USP34: variants seen among roughly 807,000 people sequenced by gnomAD.
USP34 encodes ubiquitin specific peptidase 34.
USP34 carries 70 observed loss-of-function variants against 460.3 expected under a neutral mutation model. The ratio of observed to expected loss-of-function variants is 0.15; its 90% CI spans 0.13 to 0.19. The LOEUF is 0.19. Among genes scored for constraint, USP34 ranks in the 10% least tolerant of loss-of-function variants. The pLI is 1.00. For synonymous variants in USP34, 1,647 were observed against 1,405.3 expected (o/e 1.17, Z -3.85); for missense variants, 3,985 against 4,236.2 (o/e 0.94, Z 1.65).
At chr2:61,284,777 A>T (rs985035336) in intron 35 of USP34, 98 bp downstream of exon 35, 1 of 965,654 alleles carries the variant, frequency 1.0e-6, no homozygotes, top group Non-Finnish European at 1.5e-6. Flanking sequence ...AATATCCCCC[A>T]AATTTTTCTA....
chr2:61,220,058 A>G (rs961643359), intron 67 of USP34: 2 of 328,300 alleles, frequency 6.1e-6, no homozygotes, highest in African/African-American at 4.3e-5. Context: ...TCCCTTCATT[A>G]CTGCTGATCA....
chr2:61,383,277 A>G lies in USP34; in HGVS notation c.813T>C (p.Tyr271=). The G allele has an allele frequency of 1.3e-6, 2 of 1,597,148 alleles. No homozygotes were observed. Among genetic ancestry groups the G allele is most frequent in the East Asian group, 2.2e-5 (1 of 44,654 alleles). ...VMQHIIPFRT[Y]VIRYLCKLSD... ...AAATTTTATAAACTTACCTAATAACATAGGTCCTAAAAGGTATAATGTGCT... is the reference window on the plus strand; with the variant it reads ...AAATTTTATAAACTTACCTAATAACGTAGGTCCTAAAAGGTATAATGTGCT... The change falls in exon 6 of 80, where the codon TAT becomes TAC. Residue 271 remains tyrosine, a synonymous_variant. Coordinates refer to ENST00000398571, the MANE Select transcript of USP34 (RefSeq NM_014709.4).
At chr2:61,464,466 C>T (rs2104111814) in intron 1 of USP34, among the ~76,000 whole-genome samples, 1 of 152,342 alleles carries the variant, frequency 6.6e-6, no homozygotes, top group Admixed American at 6.5e-5. Flanking sequence ...TCAACTTTTT[C>T]ACCAAATGGT....
At chr2:61,336,383 C>G (rs1572945343) in intron 18 of USP34, among the ~76,000 whole-genome samples, 1 of 151,918 alleles carries the variant, frequency 6.6e-6, no homozygotes, top group South Asian at 2.1e-4. Context: ...ATCTCACCCT[C>G]TCAAAGTGTT....
chr2:61,419,705 T>C (rs983881591), intron 2 of USP34, among the ~76,000 whole-genome samples: 2 of 152,180 alleles, frequency 1.3e-5, no homozygotes, highest in Admixed American at 6.5e-5. Context: ...CACCTAGCTG[T>C]AGTTACAATA....
In USP34 at chr2:61,420,124, C is replaced by T. The variant is rs1019324958; in HGVS notation, c.131+622G>A. Among the ~76,000 whole-genome samples, 4 of 152,168 alleles carry T rather than the reference C, an allele frequency of 2.6e-5. No homozygotes were observed. In the South Asian group the frequency reaches 8.3e-4, roughly 32 times the overall value. ...TGTTCATTGGCTACTGCACACAATG[C>T]TTCAAACATTCTTACCCATAAAATT... On this transcript the variant is annotated intron_variant, in intron 2 of 79. Coordinates refer to ENST00000398571, the MANE Select transcript of USP34 (RefSeq NM_014709.4).
intron 65 of USP34, 190 bp from the exon 66 acceptor site, chr2:61,221,796 C>A: frequency 2.3e-6 from 1 of 436,814 alleles, no homozygotes; most frequent in Non-Finnish European, 4.0e-6. Flanking sequence ...CAAAGTCAAC[C>A]GGGAACCACG....
At chr2:61,373,064 C>G (rs1692679550) in intron 8 of USP34, among the ~76,000 whole-genome samples, 1 of 152,030 alleles carries the variant, frequency 6.6e-6, no homozygotes, top group African/African-American at 2.4e-5. Context: ...AGTAATGGAG[C>G]TACGTAGGAG....
rs1691849006 is a variant in USP34 at position 61,348,746 on chromosome 2, A to AT, written c.1674+9dup. ...AATGCCTATAAAAGAAGAAAAACCT[A>AT]TTTTCATACCTCTGTGTCTGAAAGT... On this transcript the variant is annotated intron_variant, in intron 14 of 79. Transcript: ENST00000398571. 1.2e-6 allele frequency: 2 copies of AT among 1,603,684 alleles called. No individual in the cohort carries two copies. Among genetic ancestry groups the AT allele is most frequent in the South Asian group, 2.2e-5 (2 of 89,410 alleles).
chr2:61,463,961 C>A (rs1408759425), intron 1 of USP34, among the ~76,000 whole-genome samples: 1 of 152,080 alleles, frequency 6.6e-6, no homozygotes, highest in African/African-American at 2.4e-5. Flanking sequence ...AAAAGGATGA[C>A]AGAGTACCTC....
intron 23 of USP34, 96 bp downstream of exon 23, chr2:61,317,558 A>T (rs762139367): frequency 5.4e-6 from 6 of 1,115,628 alleles, no homozygotes; most frequent in South Asian, 1.5e-5. Flanking sequence ...CACAGGTAGT[A>T]AATTCTATAC....
At chr2:61,456,654 T>G (rs1695448634) in intron 1 of USP34, among the ~76,000 whole-genome samples, 2 of 149,564 alleles carry the variant, frequency 1.3e-5, no homozygotes, top group African/African-American at 4.9e-5. Flanking sequence ...CCATCTCTAC[T>G]AAAAATAAAA....
Position 61,188,542 on chromosome 2 carries a change from C to T in USP34, c.10201G>A (p.Glu3401Lys), listed in dbSNP as rs1353464775. 1.9e-6 allele frequency: 3 copies of T among 1,614,090 alleles called. No individual in the cohort carries two copies. The highest frequency in any genetic ancestry group is 1.3e-5 in the African/African-American group (1 of 74,914). Reference sequence around the variant, plus strand: ...TTTTCAGGGGAAGGAAGATCTTGCTCAGTTCCTGGATCAATAATTGAGGAG... The same window carrying T: ...TTTTCAGGGGAAGGAAGATCTTGCTTAGTTCCTGGATCAATAATTGAGGAG... ...RDSSIIDPGT[E>K]QDLPSPENSS... The change falls in exon 80 of 80, where the codon GAG becomes AAG. Residue 3401 changes from glutamate to lysine, a missense_variant. By Grantham distance (56) the Glu-to-Lys change is moderately conservative. This residue lies in a region of USP34 where 506 missense variants were observed against 439.0 expected (regional missense o/e 1.15). Transcript: ENST00000398571.
At chr2:61,467,070 C>T (rs182142373) in intron 1 of USP34, among the ~76,000 whole-genome samples, 20 of 151,872 alleles carry the variant, frequency 1.3e-4, no homozygotes, top group East Asian at 1.9e-4. Flanking sequence ...TTTTGGGAGA[C>T]GGAAGCGGGT....
At chr2:61,271,134 A>C (rs1302095933) in intron 41 of USP34, among the ~76,000 whole-genome samples, 1 of 151,962 alleles carries the variant, frequency 6.6e-6, no homozygotes. Context: ...AACAAAACAA[A>C]ACAACAACAA....
rs1442477156 is a variant in USP34 at position 61,296,916 on chromosome 2, A to G, written c.4138T>C (p.Cys1380Arg). 3 of 1,612,892 alleles carry G rather than the reference A, an allele frequency of 1.9e-6. No homozygotes were observed. The highest frequency in any genetic ancestry group is 2.2e-5 in the East Asian group (1 of 44,766). ...VAVDDSESLR[C>R]EELHLHAENL... ...TCTGCATGAAGATGAAGTTCTTCACATCGTAAGCTCTACACAAATAAGAAC... is the reference window on the plus strand; with the variant it reads ...TCTGCATGAAGATGAAGTTCTTCACGTCGTAAGCTCTACACAAATAAGAAC... The change falls in exon 30 of 80, where the codon TGT becomes CGT. Residue 1380 changes from cysteine to arginine, a missense_variant. Transcript: ENST00000398571.
At chr2:61,387,202 T>G (rs1327365149) in intron 5 of USP34, among the ~76,000 whole-genome samples, 1 of 152,120 alleles carries the variant, frequency 6.6e-6, no homozygotes, top group African/African-American at 2.4e-5. Context: ...GGCTCACCCC[T>G]GTAATCAAAG....
chr2:61,257,914 T>C (rs951143278), intron 44 of USP34, among the ~76,000 whole-genome samples: 7 of 152,162 alleles, frequency 4.6e-5, no homozygotes, highest in Admixed American at 2.0e-4. Context: ...CACTCACATC[T>C]ATATTGCAAA....
intron 1 of USP34, among the ~76,000 whole-genome samples, chr2:61,433,590 TGC>T (rs1401155326): frequency 6.6e-6 from 1 of 152,038 alleles, no homozygotes; most frequent in Non-Finnish European, 1.5e-5. Context: ...ACCAAGATCG[TGC>T]CACTGCACTC....
Sources: allele counts gnomAD v4.1 joint callset (sites outside exome capture counted in the v4.1 genomes callset), GRCh38; gene constraint gnomAD v4.1.1; regional missense constraint gnomAD v4.1.1; transcripts MANE v1.5; gene names NCBI Gene and HGNC (gene_info 2026-07-23, HGNC 2026-07-21).